The following MSH5 variants were observed in gnomAD, a reference collection of about 807,000 sequenced individuals.
MSH5 encodes mutS homolog 5.
A neutral mutation model predicts 107.7 loss-of-function variants in MSH5; 78 were observed. The observed-to-expected ratio is 0.72, with a 90% confidence interval of 0.60 to 0.87. MSH5 has a LOEUF of 0.87. MSH5 is among the 40% of genes least tolerant of loss of function. The probability of loss-of-function intolerance (pLI) is 0.00; values close to 1 mark genes in which losing one functional copy is unlikely to be tolerated. For missense variants in MSH5, 889 were observed against 1,046.6 expected, an observed-to-expected ratio of 0.85 and a Z score of 2.08; for synonymous variants, 326 against 399.5, an observed-to-expected ratio of 0.82 and a Z score of 2.19.
chr6:31,758,420 C>A lies in MSH5; in HGVS notation c.1143+127C>A. 1.3e-6 allele frequency: 2 copies of A among 1,547,970 alleles called. No homozygotes were observed. The highest frequency in any genetic ancestry group is 1.8e-6 in the Non-Finnish European group (2 of 1,128,308). On this transcript the variant is annotated intron_variant, in intron 13 of 24. Transcript: ENST00000375750. The surrounding 1 kb of genome is among the most constrained non-coding windows in gnomAD (Gnocchi z 5.1). ...AGAATGGGATGGTGGGAGGAGGCAG[C>A]AGAACTTCAGGGAAGTATCTGGAGG... is the stretch of plus-strand genomic sequence containing the variant.
chr6:31,755,271 C>T (rs1217655900), intron 12 of MSH5, among the ~76,000 whole-genome samples: 1 of 152,130 alleles, frequency 6.6e-6, no homozygotes, highest in Non-Finnish European at 1.5e-5. Flanking sequence ...CCCCCCTCAG[C>T]CTCCTGAGTA....
At chr6:31,748,538 G>A (rs1351705790) in intron 10 of MSH5, among the ~76,000 whole-genome samples, 2 of 151,478 alleles carry the variant, frequency 1.3e-5, no homozygotes, top group Non-Finnish European at 2.9e-5. Context: ...CAGTAGAGGC[G>A]GGGTTTCACC....
chr6:31,754,031 CT>C (rs924783303), intron 12 of MSH5: 1,243 of 157,546 alleles, frequency 7.9e-3, no homozygotes, highest in South Asian at 0.027. Context: ...CGGCCTCCCT[CT>C]TTTTTTTTTT....
At chr6:31,742,733 T>C (rs553652559) in intron 3 of MSH5, 144 bp from the exon 4 acceptor site, 21 of 710,760 alleles carry the variant, frequency 3.0e-5, no homozygotes, top group Non-Finnish European at 5.1e-5. Context: ...CTTCTACCTG[T>C]GTTCCCACTG....
At chr6:31,753,194 A>T in intron 10 of MSH5, 107 bp from the exon 11 acceptor site, 1 of 1,354,638 alleles carries the variant, frequency 7.4e-7, no homozygotes, top group Non-Finnish European at 1.0e-6. Flanking sequence ...CACATCGTGG[A>T]TACATATTGC....
chr6:31,756,103 G>A (rs564076766), intron 12 of MSH5, among the ~76,000 whole-genome samples: 26 of 151,472 alleles, frequency 1.7e-4, no homozygotes, highest in Admixed American at 6.6e-4. Context: ...TGATATGTCC[G>A]ATTGTCTCTC....
At position 31,760,893 on chromosome 6, in the gene MSH5, C is replaced by G. The variant is rs1810930498; in HGVS notation, c.1962+54C>G. ...GAGGAAGGGGATAATGGGAAAGGAACCCCTGAAAATGCTCATAACAGGAAA... is the reference window on the plus strand; with the variant it reads ...GAGGAAGGGGATAATGGGAAAGGAAGCCCTGAAAATGCTCATAACAGGAAA... On this transcript the variant is annotated intron_variant, in intron 20 of 24. Transcript: ENST00000375750. The surrounding 1 kb of genome is among the most constrained non-coding windows in gnomAD (Gnocchi z 5.6). 1 of 1,570,818 alleles carries G rather than the reference C, an allele frequency of 6.4e-7. No individual in the cohort carries two copies. The highest frequency in any genetic ancestry group is 8.7e-7 in the Non-Finnish European group (1 of 1,154,630).
At position 31,744,192 on chromosome 6, in the gene MSH5, T is replaced by G; in HGVS notation, c.540T>G (p.Val180=). The G allele has an allele frequency of 2.5e-6, 4 of 1,611,288 alleles. No individual in the cohort carries two copies. Among genetic ancestry groups the G allele is most frequent in the Non-Finnish European group, 3.4e-6 (4 of 1,178,564 alleles). The change falls in exon 7 of 25, where the codon GTT becomes GTG. Residue 180 remains valine, a splice_region_variant and synonymous_variant. Transcript: ENST00000375750. ...SIIPFDCLLT[V]RALGGLLKFL... ...TTCCACTGCTGATCCCCTCCCAGGT[T>G]CGAGCACTTGGAGGGCTGCTGAAGT... is the stretch of plus-strand genomic sequence containing the variant.
intron 12 of MSH5, among the ~76,000 whole-genome samples, chr6:31,755,047 C>A (rs1313789699): frequency 6.6e-6 from 1 of 151,978 alleles, no homozygotes; most frequent in African/African-American, 2.4e-5. Context: ...CCACCTCACC[C>A]GGCCAATATT....
intron 9 of MSH5, among the ~76,000 whole-genome samples, 200 bp downstream of exon 9, chr6:31,745,519 T>C (rs1024705786): frequency 5.4e-5 from 8 of 149,042 alleles, no homozygotes; most frequent in African/African-American, 7.3e-5. Context: ...CTGTACAGTG[T>C]TGTTGCATAT....
In MSH5 at chr6:31,760,031, CTG is replaced by C; in HGVS notation, c.1685+57_1686-57del. ...ATGAGGGGCCCAAAGGCTACATCTT[CTG>C]GGGGTTCATCTATCTTGATCCACAA... On this transcript the variant is annotated intron_variant, in intron 18 of 24. Transcript: ENST00000375750. This position sits in a 1 kb window ranked among gnomAD's most constrained non-coding sequence, Gnocchi z 5.6. The C allele has an allele frequency of 6.2e-7, 1 of 1,610,352 alleles. No homozygotes were observed. The highest frequency in any genetic ancestry group is 8.5e-7 in the Non-Finnish European group (1 of 1,177,428).
chr6:31,743,838 A>T lies in MSH5; in HGVS notation c.416-66A>T. 18 of 1,583,688 alleles carry T rather than the reference A, an allele frequency of 1.1e-5. No homozygotes were observed. The South Asian group carries it at 2.1e-4, about 18-fold the overall frequency. ...TAATCTCTCTTGCTTCTATTGTCTC[A>T]TTCTTAAAATGGGGTGAAAAAATTG... On this transcript the variant is annotated intron_variant, in intron 5 of 24. Coordinates refer to ENST00000375750, the MANE Select transcript of MSH5 (RefSeq NM_172166.4).
chr6:31,742,072 C>G (rs530765019), intron 3 of MSH5, among the ~76,000 whole-genome samples: 6 of 152,276 alleles, frequency 3.9e-5, no homozygotes, highest in African/African-American at 1.4e-4. Flanking sequence ...TCCTGCTAGG[C>G]CCTACCTCAC....
Position 31,761,706 on chromosome 6 carries a change from T to C in MSH5, c.2181+91T>C, listed in dbSNP as rs1811016618. The C allele has an allele frequency of 6.2e-7, 1 of 1,612,764 alleles. No individual in the cohort carries two copies. The highest frequency in any genetic ancestry group is 1.3e-5 in the African/African-American group (1 of 74,920). Reference sequence around the variant, plus strand: ...CTCCTCTATCAGAACAAGGGCTCCCTCAGCACAGAGACCACATCCCTTCCC... The same window carrying C: ...CTCCTCTATCAGAACAAGGGCTCCCCCAGCACAGAGACCACATCCCTTCCC... On this transcript the variant is annotated intron_variant, in intron 22 of 24. Transcript: ENST00000375750. This position sits in a 1 kb window ranked among gnomAD's most constrained non-coding sequence, Gnocchi z 5.3.
Position 31,759,571 on chromosome 6 carries a change from G to A in MSH5, c.1495+59G>A. ...GATGTTTAAAAAAAGCAGCAGCCAGGGGAAGGAGGGGAGTGGGCAACTTGG... is the reference window on the plus strand; with the variant it reads ...GATGTTTAAAAAAAGCAGCAGCCAGAGGAAGGAGGGGAGTGGGCAACTTGG... On this transcript the variant is annotated intron_variant, in intron 17 of 24. Transcript: ENST00000375750. The surrounding 1 kb of genome is among the most constrained non-coding windows in gnomAD (Gnocchi z 4.7). 6.3e-7 allele frequency: 1 copy of A among 1,582,366 alleles called. No homozygotes were observed. The highest frequency in any genetic ancestry group is 1.1e-5 in the South Asian group (1 of 89,850).
In MSH5 at chr6:31,758,290, A is replaced by G. The variant is rs748292935; in HGVS notation, c.1140A>G (p.Lys380=). ...ACCATATCGCCAGCCTCATTGGGAAAGTAGTGAGTAGAAGGAAAAAGGGAG... is the reference window on the plus strand; with the variant it reads ...ACCATATCGCCAGCCTCATTGGGAAGGTAGTGAGTAGAAGGAAAAAGGGAG... ...DLHHIASLIG[K]VVDFEGSLAE... is the part of the protein sequence containing the mutation. Residue 380 remains lysine, a synonymous_variant, in exon 13 of 25, where the codon AAA becomes AAG. Transcript: ENST00000375750. This position sits in a 1 kb window ranked among gnomAD's most constrained non-coding sequence, Gnocchi z 5.1. The G allele has an allele frequency of 6.2e-7, 1 of 1,612,850 alleles. No homozygotes were observed. The highest frequency in any genetic ancestry group is 1.7e-5 in the Admixed American group (1 of 60,022).
chr6:31,742,892 A>G lies in MSH5; in HGVS notation c.287A>G (p.Asn96Ser). 3.1e-6 allele frequency: 5 copies of G among 1,613,042 alleles called. No individual in the cohort carries two copies. The highest frequency in any genetic ancestry group is 4.2e-6 in the Non-Finnish European group (5 of 1,180,032). Reference protein sequence around the residue: ...KLLQRVLDEINPQSVVTSAKQ... With the variant: ...KLLQRVLDEISPQSVVTSAKQ... The stretch of plus-strand genomic sequence containing the variant: ...TCCTTCCAAGTTCTGGATGAGATCA[A>G]TCCCCAGTCTGTTGTTACGAGTGCC... Residue 96 changes from asparagine to serine, a missense_variant, in exon 4 of 25, where the codon AAT becomes AGT. Coordinates refer to ENST00000375750, the MANE Select transcript of MSH5 (RefSeq NM_172166.4).
At chr6:31,743,273 TC>T in intron 5 of MSH5, 103 bp downstream of exon 5, 1 of 1,275,048 alleles carries the variant, frequency 7.8e-7, no homozygotes. Flanking sequence ...CCTTATGTCA[TC>T]CTAAACCTTT....
Position 31,760,202 on chromosome 6 carries a change from A to T in MSH5, c.1798A>T (p.Ile600Leu). 6.2e-7 allele frequency: 1 copy of T among 1,605,490 alleles called. No homozygotes were observed. The highest frequency in any genetic ancestry group is 8.5e-7 in the Non-Finnish European group (1 of 1,176,250). ...ITGPNSSGKS[I>L]YLKQVGLITF... ...TGGACCCAACTCATCAGGGAAGAGC[A>T]TATACCTCAAACAGGTGAGGAGAAG... Residue 600 changes from isoleucine (I) to leucine (L), a missense_variant, in exon 19 of 25, where the codon ATA (isoleucine) becomes TTA (leucine). Ile to Leu is a conservative substitution (Grantham distance 5). Transcript: ENST00000375750. This position sits in a 1 kb window ranked among gnomAD's most constrained non-coding sequence, Gnocchi z 5.6.
Sources: allele counts gnomAD v4.1 joint callset (sites outside exome capture counted in the v4.1 genomes callset), GRCh38; gene constraint gnomAD v4.1.1; non-coding constraint Gnocchi (gnomAD v3.1); transcripts MANE v1.5; gene names NCBI Gene and HGNC (gene_info 2026-07-23, HGNC 2026-07-21).